The following PDZRN4 variants were observed in gnomAD, a reference collection of about 807,000 sequenced individuals.
PDZRN4 encodes PDZ domain containing ring finger 4, also known as PDZ domain-containing RING finger protein 4.
PDZRN4 carries 70 observed loss-of-function variants against 99.0 expected under a neutral mutation model. The observed-to-expected ratio is 0.71, with a 90% CI of 0.58 to 0.86. The LOEUF is 0.86. Ranked by LOEUF, PDZRN4 falls within the 40% of genes least tolerant of loss-of-function variation. The probability of loss-of-function intolerance (pLI) is 0.00; values close to 1 mark genes in which losing one functional copy is unlikely to be tolerated. For missense variants in PDZRN4, 1,474 were observed against 1,331.2 expected, an observed-to-expected ratio of 1.11 and a Z score of -1.67; for synonymous variants, 551 against 501.6, an observed-to-expected ratio of 1.10 and a Z score of -1.32.
chr12:41,376,927 A>G (rs1952086416), intron 3 of PDZRN4, among the ~76,000 whole-genome samples: 1 of 152,114 alleles, frequency 6.6e-6, no homozygotes, highest in Non-Finnish European at 1.5e-5. Context: ...TAGAGGTTCA[A>G]TTTCATTCTT....
intron 3 of PDZRN4, among the ~76,000 whole-genome samples, chr12:41,274,014 C>T (rs1288315669): frequency 6.6e-6 from 1 of 152,034 alleles, no homozygotes; most frequent in East Asian, 1.9e-4. Flanking sequence ...TAAAAGGGGT[C>T]TTGCCTTCTT....
intron 3 of PDZRN4, among the ~76,000 whole-genome samples, chr12:41,463,448 A>G (rs929012743): frequency 1.3e-5 from 2 of 151,950 alleles, no homozygotes; most frequent in African/African-American, 2.4e-5. Context: ...TCAGGTTATG[A>G]TCTTCTTGGA....
intron 3 of PDZRN4, among the ~76,000 whole-genome samples, chr12:41,364,901 A>C (rs1483416011): frequency 6.6e-6 from 1 of 152,138 alleles, no homozygotes. Flanking sequence ...TTTTGAAGAA[A>C]GAGATGCCAG....
chr12:41,191,473 C>A lies in PDZRN4; in HGVS notation c.664C>A (p.Pro222Thr). The stretch of plus-strand genomic sequence containing the variant: ...TTTTTTCTAGGATGGAGAGCATAAG[C>A]CATTCACTATTGTGTTAGAAAGAGA... ...GGHRRDGEHK[P>T]FTIVLEREND... is the part of the protein sequence containing the mutation. Residue 222 changes from proline to threonine, a missense_variant, in exon 2 of 10, where the codon CCA (proline) becomes ACA (threonine). Transcript: ENST00000402685. 1 of 1,544,488 alleles carries A rather than the reference C, an allele frequency of 6.5e-7. No individual in the cohort carries two copies.
chr12:41,469,697 C>T (rs1285501269), intron 3 of PDZRN4, among the ~76,000 whole-genome samples: 4 of 152,124 alleles, frequency 2.6e-5, no homozygotes, highest in East Asian at 1.9e-4. Flanking sequence ...TTTGGGAGGC[C>T]GAGGGGGGCC....
intron 5 of PDZRN4, among the ~76,000 whole-genome samples, chr12:41,518,951 TATAA>T (rs1021793013): frequency 6.6e-6 from 1 of 151,560 alleles, no homozygotes; most frequent in Non-Finnish European, 1.5e-5. Flanking sequence ...CCCAACTCTA[TATAA>T]ATAAATAAAA....
At chr12:41,200,073 G>A (rs1950804229) in intron 3 of PDZRN4, among the ~76,000 whole-genome samples, 1 of 152,086 alleles carries the variant, frequency 6.6e-6, no homozygotes, top group African/African-American at 2.4e-5. Context: ...CCTTAGTGAA[G>A]TGACACTGTA....
chr12:41,538,828 T>G (rs539428978), intron 5 of PDZRN4, among the ~76,000 whole-genome samples: 2 of 152,234 alleles, frequency 1.3e-5, no homozygotes, highest in African/African-American at 4.8e-5. Flanking sequence ...TATACAGCTA[T>G]GCACCAGTCA....
chr12:41,573,012 T>G lies in PDZRN4; in HGVS notation c.2233T>G (p.Cys745Gly), dbSNP rs182201707. 6.2e-7 allele frequency: 1 copy of G among 1,614,194 alleles called. No homozygotes were observed. Among genetic ancestry groups the G allele is most frequent in the Non-Finnish European group, 8.5e-7 (1 of 1,180,022 alleles). ...TAGTGCTTACAACACAGCTGAGAGC[T>G]GCAGAAGTACTCCGCTCACTGTAGA... Reference protein sequence around the residue: ...SSSAYNTAESCRSTPLTVDRS... With the variant: ...SSSAYNTAESGRSTPLTVDRS... Residue 745 changes from cysteine (C) to glycine (G), a missense_variant, in exon 10 of 10, where the codon TGC becomes GGC. Transcript: ENST00000402685.
chr12:41,232,463 C>T (rs1951034774), intron 3 of PDZRN4, among the ~76,000 whole-genome samples: 1 of 152,080 alleles, frequency 6.6e-6, no homozygotes, highest in Non-Finnish European at 1.5e-5. Flanking sequence ...TAGAATTTGG[C>T]AGCTCATTGT....
intron 3 of PDZRN4, among the ~76,000 whole-genome samples, chr12:41,401,548 C>A (rs907532763): frequency 6.6e-6 from 1 of 152,116 alleles, no homozygotes; most frequent in Non-Finnish European, 1.5e-5. Context: ...CTTGCCTCAA[C>A]CTTTTTCACC....
At chr12:41,462,532 A>G (rs992570930) in intron 3 of PDZRN4, among the ~76,000 whole-genome samples, 1 of 152,216 alleles carries the variant, frequency 6.6e-6, no homozygotes, top group African/African-American at 2.4e-5. Context: ...ATTCCTTCAG[A>G]AGAGTTCCTA....
intron 3 of PDZRN4, among the ~76,000 whole-genome samples, chr12:41,400,751 TA>T (rs1952283582): frequency 1.3e-5 from 2 of 152,198 alleles, no homozygotes; most frequent in Non-Finnish European, 2.9e-5. Context: ...AGACTTATCC[TA>T]TAAAAGTGCC....
intron 3 of PDZRN4, among the ~76,000 whole-genome samples, chr12:41,234,227 AT>A (rs1476296594): frequency 6.6e-6 from 1 of 152,004 alleles, no homozygotes. Context: ...GAAACCTGTA[AT>A]TTTCTTTACC....
intron 3 of PDZRN4, among the ~76,000 whole-genome samples, chr12:41,280,046 G>T (rs1338222218): frequency 6.6e-6 from 1 of 152,094 alleles, no homozygotes; most frequent in African/African-American, 2.4e-5. Context: ...TTAGACAGTG[G>T]GTGCAACCCA....
At chr12:41,298,431 T>C (rs1165123169) in intron 3 of PDZRN4, among the ~76,000 whole-genome samples, 1 of 152,172 alleles carries the variant, frequency 6.6e-6, no homozygotes, top group East Asian at 1.9e-4. Context: ...GCGTTGCCAG[T>C]CAAATTTGCT....
At chr12:41,478,046 G>A (rs1592076636) in intron 3 of PDZRN4, 4 of 637,258 alleles carry the variant, frequency 6.3e-6, no homozygotes, top group Admixed American at 2.7e-5. Flanking sequence ...CTGGTTCTGT[G>A]TCCCCCAATA....
intron 3 of PDZRN4, among the ~76,000 whole-genome samples, chr12:41,392,337 AT>A (rs976575874): frequency 2.0e-5 from 3 of 152,066 alleles, no homozygotes; most frequent in Non-Finnish European, 4.4e-5. Context: ...AATAAATATT[AT>A]TTTTAAAAGA....
intron 3 of PDZRN4, among the ~76,000 whole-genome samples, chr12:41,318,421 T>A (rs545391795): frequency 6.6e-6 from 1 of 152,280 alleles, no homozygotes; most frequent in South Asian, 2.1e-4. Flanking sequence ...TGTAGAAAAT[T>A]GGGAAAACAA....
Sources: gnomAD v4.1 joint callset for allele counts (sites outside exome capture counted in the v4.1 genomes callset) on GRCh38, gnomAD v4.1.1 for gene constraint, MANE v1.5 for transcripts, NCBI Gene and HGNC (gene_info 2026-07-23, HGNC 2026-07-21) for gene names.